RASAL2: variants seen among roughly 807,000 people sequenced by gnomAD.
RASAL2 encodes RAS protein activator like 2.
In RASAL2, 58 loss-of-function variants were observed where a neutral mutation model predicts 128.9. The observed-to-expected ratio is 0.45, with a 90% CI of 0.36 to 0.56. RASAL2 has a LOEUF of 0.56. Ranked by LOEUF, RASAL2 falls within the 20% of genes least tolerant of loss-of-function variation. The probability of loss-of-function intolerance (pLI) is 0.00; values close to 1 mark genes in which losing one functional copy is unlikely to be tolerated. For missense variants in RASAL2, 1,360 were observed against 1,601.6 expected, an observed-to-expected ratio of 0.85 and a Z score of 2.57; for synonymous variants, 561 against 580.8, an observed-to-expected ratio of 0.97 and a Z score of 0.49.
intron 1 of RASAL2, among the ~76,000 whole-genome samples, chr1:178,222,445 C>A (rs1446937970): frequency 6.6e-6 from 1 of 151,888 alleles, no homozygotes; most frequent in Non-Finnish European, 1.5e-5. Context: ...TTTGAGTTTG[C>A]AATATACATT....
In RASAL2 at chr1:178,474,002, T is replaced by C. The variant is rs1050758961; in HGVS notation, c.*763T>C. 1.3e-5 allele frequency: 2 copies of C among 152,340 alleles called. No individual in the cohort carries two copies. The highest frequency in any genetic ancestry group is 6.5e-5 in the Admixed American group (1 of 15,286). The allele number at this position is 152,340 out of a possible 1,614,324, so 9.4% of individuals were successfully genotyped here. Reference sequence around the variant, plus strand: ...TTCTCTTTTAGACAGGGGCTTTTTGTTTTTAACCCCAATTGTAATAAAGGG... The same window carrying C: ...TTCTCTTTTAGACAGGGGCTTTTTGCTTTTAACCCCAATTGTAATAAAGGG... On this transcript the variant is annotated 3_prime_UTR_variant, in exon 18 of 18. Coordinates refer to ENST00000367649, the MANE Select transcript of RASAL2 (RefSeq NM_170692.4).
At chr1:178,198,272 TTG>T (rs1662743615) in intron 1 of RASAL2, among the ~76,000 whole-genome samples, 1 of 152,208 alleles carries the variant, frequency 6.6e-6, no homozygotes, top group African/African-American at 2.4e-5. Flanking sequence ...CCTTGAGGAA[TTG>T]CCACACTGTC....
intron 3 of RASAL2, among the ~76,000 whole-genome samples, chr1:178,324,373 T>C (rs1372344275): frequency 6.6e-6 from 1 of 150,496 alleles, no homozygotes; most frequent in Non-Finnish European, 1.5e-5. Context: ...ATCACACCAC[T>C]GCACTCCAGC....
intron 1 of RASAL2, among the ~76,000 whole-genome samples, chr1:178,276,213 G>T (rs973823240): frequency 2.0e-5 from 3 of 152,192 alleles, no homozygotes; most frequent in Non-Finnish European, 4.4e-5. Flanking sequence ...GGTACTGTGT[G>T]TTGGGTGGTT....
chr1:178,419,220 G>T (rs545589588), intron 4 of RASAL2, among the ~76,000 whole-genome samples: 2 of 152,108 alleles, frequency 1.3e-5, no homozygotes, highest in South Asian at 4.1e-4. Flanking sequence ...CATTCTCCAT[G>T]TGTCAAAATA....
intron 13 of RASAL2, among the ~76,000 whole-genome samples, chr1:178,457,246 A>G (rs533608489): frequency 7.2e-5 from 11 of 152,256 alleles, no homozygotes; most frequent in Non-Finnish European, 1.0e-4. Context: ...ATAGCTGGCT[A>G]TGTCAACTGG....
intron 15 of RASAL2, among the ~76,000 whole-genome samples, chr1:178,464,690 A>C (rs776710868): frequency 6.6e-6 from 1 of 151,648 alleles, no homozygotes; most frequent in Non-Finnish European, 1.5e-5. Context: ...AGGACACTCT[A>C]CTATTCATTT....
chr1:178,152,510 C>T (rs958268603), intron 1 of RASAL2, among the ~76,000 whole-genome samples: 1 of 152,000 alleles, frequency 6.6e-6, no homozygotes, highest in African/African-American at 2.4e-5. Flanking sequence ...AGACTGGTGC[C>T]TGGAATTAGC....
At chr1:178,134,959 A>G (rs955444618) in intron 1 of RASAL2, among the ~76,000 whole-genome samples, 4 of 152,162 alleles carry the variant, frequency 2.6e-5, no homozygotes, top group Admixed American at 2.6e-4. Context: ...TGCTTATTGT[A>G]AGAGTATTTT....
At chr1:178,225,353 TAAC>T (rs1413319165) in intron 1 of RASAL2, among the ~76,000 whole-genome samples, 1 of 151,842 alleles carries the variant, frequency 6.6e-6, no homozygotes, top group African/African-American at 2.4e-5. Context: ...TGAAAGAAAA[TAAC>T]AACACATTTT....
intron 1 of RASAL2, among the ~76,000 whole-genome samples, chr1:178,155,971 C>A (rs1213195689): frequency 6.6e-6 from 1 of 152,194 alleles, no homozygotes; most frequent in Non-Finnish European, 1.5e-5. Flanking sequence ...CTTCCCCCGA[C>A]AACCCCAAAC....
At position 178,476,632 on chromosome 1, in the gene RASAL2, G is replaced by C. The variant is rs578020627; in HGVS notation, c.*3393G>C. The C allele has an allele frequency of 6.6e-6, 1 of 152,154 alleles. No homozygotes were observed. The highest frequency in any genetic ancestry group is 2.4e-5 in the African/African-American group (1 of 41,418). The allele number at this position is 152,154 out of a possible 1,614,324, so 9.4% of individuals were successfully genotyped here. A position where few individuals can be genotyped will look rare whatever the true frequency, so the allele number is the denominator to read the frequency against. Reference sequence around the variant, plus strand: ...TCTGCTTCCGTGTTTCTCTGTGATGGTGTTAAGATTATGAAAGAAAAAGAA... The same window carrying C: ...TCTGCTTCCGTGTTTCTCTGTGATGCTGTTAAGATTATGAAAGAAAAAGAA... On this transcript the variant is annotated 3_prime_UTR_variant, in exon 18 of 18. Transcript: ENST00000367649.
At chr1:178,371,822 G>A (rs1396158436) in intron 3 of RASAL2, among the ~76,000 whole-genome samples, 1 of 152,158 alleles carries the variant, frequency 6.6e-6, no homozygotes, top group Admixed American at 6.5e-5. Flanking sequence ...CTATTGTGCT[G>A]TCTGGTTATC....
intron 1 of RASAL2, among the ~76,000 whole-genome samples, chr1:178,189,234 T>C (rs1244158572): frequency 6.6e-6 from 1 of 152,222 alleles, no homozygotes; most frequent in African/African-American, 2.4e-5. Flanking sequence ...CCTTGGTATG[T>C]ATTCCACAAA....
chr1:178,132,395 A>G (rs1309742995), intron 1 of RASAL2, among the ~76,000 whole-genome samples: 1 of 151,964 alleles, frequency 6.6e-6, no homozygotes, highest in Non-Finnish European at 1.5e-5. Flanking sequence ...CTGTCAGTGT[A>G]CCATACCTGT....
At chr1:178,164,093 A>G (rs1027521512) in intron 1 of RASAL2, among the ~76,000 whole-genome samples, 2 of 152,204 alleles carry the variant, frequency 1.3e-5, no homozygotes, top group African/African-American at 4.8e-5. Context: ...AAGAGTATAC[A>G]GGAATTATTT....
chr1:178,389,865 G>A (rs1037362046), intron 3 of RASAL2, among the ~76,000 whole-genome samples: 7 of 152,174 alleles, frequency 4.6e-5, no homozygotes, highest in African/African-American at 1.4e-4. Context: ...ATTTTTATAT[G>A]TGCACAGATG....
chr1:178,459,079 G>A (rs746429581), intron 14 of RASAL2, among the ~76,000 whole-genome samples: 2 of 152,124 alleles, frequency 1.3e-5, no homozygotes, highest in Non-Finnish European at 2.9e-5. Context: ...TAGAGTCAAG[G>A]TAAAGGAGAG....
chr1:178,307,336 G>A lies in RASAL2; in HGVS notation c.457+7218G>A, dbSNP rs537138062. On this transcript the variant is annotated intron_variant, in intron 3 of 17. Coordinates refer to ENST00000367649, the MANE Select transcript of RASAL2 (RefSeq NM_170692.4). ...TTTTCTTAAGGCATGTGTGCATCAT[G>A]TCTAAAGTACCCACTTCCAGATTTA... is the stretch of plus-strand genomic sequence containing the variant. 1.1e-3 allele frequency among the ~76,000 whole-genome samples: 165 copies of A among 152,114 alleles called. 1 individual carries two copies. The highest frequency in any genetic ancestry group is 3.7e-3 in the African/African-American group (154 of 41,518).
Sources: gnomAD v4.1 joint callset for allele counts (sites outside exome capture counted in the v4.1 genomes callset) on GRCh38, gnomAD v4.1.1 for gene constraint, MANE v1.5 for transcripts, NCBI Gene and HGNC (gene_info 2026-07-23, HGNC 2026-07-21) for gene names.